NUP85: variants seen among roughly 807,000 people sequenced by gnomAD.
NUP85 encodes nuclear pore complex protein Nup85.
Under a neutral mutation model 92.8 loss-of-function variants are expected in NUP85, and 23 were observed. That is an observed-to-expected ratio of 0.25 (90% CI 0.18 to 0.35). NUP85 has a LOEUF of 0.35. Ranked by LOEUF, NUP85 falls within the 10% of genes least tolerant of loss-of-function variation. The pLI is 1.00. For missense variants in NUP85, 759 were observed against 822.8 expected, an observed-to-expected ratio of 0.92 and a Z score of 0.95; for synonymous variants, 314 against 306.9, an observed-to-expected ratio of 1.02 and a Z score of -0.24.
At chr17:75,224,622 A>G (rs2075708506) in intron 7 of NUP85, among the ~76,000 whole-genome samples, 1 of 152,072 alleles carries the variant, frequency 6.6e-6, no homozygotes, top group South Asian at 2.1e-4. Flanking sequence ...ACTTGAGGTC[A>G]GGAGTTCGAG....
chr17:75,233,113 A>G lies in NUP85; in HGVS notation c.1570A>G (p.Asn524Asp), dbSNP rs760077553. The G allele has an allele frequency of 6.2e-7, 1 of 1,614,022 alleles. No individual in the cohort carries two copies. The highest frequency in any genetic ancestry group is 8.5e-7 in the Non-Finnish European group (1 of 1,180,016). The change falls in exon 16 of 19, where the codon AAC becomes GAC. Residue 524 changes from asparagine to aspartate, a missense_variant. Physicochemically the swap from Asn to Asp is conservative, Grantham distance 23. Coordinates refer to ENST00000245544, the MANE Select transcript of NUP85 (RefSeq NM_024844.5). ...CTTTTCTGATTTGGATCTCATTGACAACCTGGGGCCAGCCATGATGCTCAG... is the reference window on the plus strand; with the variant it reads ...CTTTTCTGATTTGGATCTCATTGACGACCTGGGGCCAGCCATGATGCTCAG... ...GCFSDLDLID[N>D]LGPAMMLSDR...
In NUP85 at chr17:75,225,712, C is replaced by T. The variant is rs774972438; in HGVS notation, c.870C>T (p.Asp290=). The T allele has an allele frequency of 1.2e-5, 20 of 1,614,002 alleles. No homozygotes were observed. The highest frequency in any genetic ancestry group is 2.2e-5 in the East Asian group (1 of 44,896). ...TCTCTCCTCAGATTATGCTGGGAGA[C>T]GAAGCTGCCTTGTTAGAGCAGAAGG... ...LESLLKIMLG[D]EAALLEQKEL... The change falls in exon 10 of 19, where the codon GAC becomes GAT. Residue 290 remains aspartate, a synonymous_variant. Coordinates refer to ENST00000245544, the MANE Select transcript of NUP85 (RefSeq NM_024844.5).
intron 2 of NUP85, 26 bp from the exon 3 acceptor site, chr17:75,209,797 A>C: frequency 1.3e-6 from 2 of 1,564,426 alleles, no homozygotes; most frequent in Non-Finnish European, 1.7e-6. Context: ...ATAGATGTTA[A>C]ATTTTTTTTT....
chr17:75,217,375 T>TTC (rs928013461), intron 6 of NUP85, among the ~76,000 whole-genome samples: 1 of 149,824 alleles, frequency 6.7e-6, no homozygotes, highest in African/African-American at 2.5e-5. Context: ...AATTTTTTAT[T>TTC]TTTTTTTGTA....
In NUP85 at chr17:75,225,324, GGCT is replaced by G; in HGVS notation, c.733-16_733-14del. On this transcript the variant is annotated splice_polypyrimidine_tract_variant and intron_variant, in intron 8 of 18. Coordinates refer to ENST00000245544, the MANE Select transcript of NUP85 (RefSeq NM_024844.5). ...GGGTGTGGATGGGATGACGTCTCATGGCTGGTCTCTCCCTTAGCCCGGGAACAC... is the reference window on the plus strand; with the variant it reads ...GGGTGTGGATGGGATGACGTCTCATGGGTCTCTCCCTTAGCCCGGGAACAC... 6.2e-7 allele frequency: 1 copy of G among 1,614,150 alleles called. No homozygotes were observed.
chr17:75,205,921 C>T, intron 1 of NUP85, 127 bp downstream of exon 1: 1 of 1,112,612 alleles, frequency 9.0e-7, no homozygotes, highest in South Asian at 1.4e-5. Context: ...ACTCAGTTGC[C>T]ACTTTTCCGG....
In NUP85 at chr17:75,235,724, T is replaced by G; in HGVS notation, c.*45T>G. On this transcript the variant is annotated 3_prime_UTR_variant, in exon 19 of 19. Transcript: ENST00000245544. ...TCTTTGTATGGCAATGTATATAGAT[T>G]TTTTTAAAAGAATAAATGTTGTTTT... 2 of 1,218,210 alleles carry G rather than the reference T, an allele frequency of 1.6e-6. No individual in the cohort carries two copies. Among genetic ancestry groups the G allele is most frequent in the Middle Eastern group, 1.9e-4 (1 of 5,224 alleles). 75.5% of individuals were successfully genotyped at this position (1,218,210 alleles called of 1,614,324 possible). A position where few individuals can be genotyped will look rare whatever the true frequency, so the allele number is the denominator to read the frequency against.
At chr17:75,225,652 T>C (rs910329048) in intron 9 of NUP85, 46 bp from the exon 10 acceptor site, 7 of 1,609,188 alleles carry the variant, frequency 4.4e-6, no homozygotes, top group Non-Finnish European at 5.9e-6. Flanking sequence ...ATGGAGAAGG[T>C]ACCCCTGAGA....
intron 1 of NUP85, among the ~76,000 whole-genome samples, chr17:75,207,570 C>T (rs1433114874): frequency 6.6e-6 from 1 of 151,930 alleles, no homozygotes; most frequent in African/African-American, 2.4e-5. Flanking sequence ...ACCTCTGGCT[C>T]CTGGGTTCAA....
At chr17:75,235,378 G>A (rs1019342403) in intron 18 of NUP85, 177 bp downstream of exon 18, 1 of 616,856 alleles carries the variant, frequency 1.6e-6, no homozygotes, top group Non-Finnish European at 2.8e-6. Context: ...GGATTCTAGT[G>A]TTCTCATCTC....
chr17:75,225,316 C>T (rs770236503), intron 8 of NUP85, 26 bp from the exon 9 acceptor site: 8 of 1,613,756 alleles, frequency 5.0e-6, no homozygotes, highest in African/African-American at 2.7e-5. Context: ...GATGGGATGA[C>T]GTCTCATGGC....
At chr17:75,213,815 A>G (rs2075343905) in intron 5 of NUP85, among the ~76,000 whole-genome samples, 1 of 151,504 alleles carries the variant, frequency 6.6e-6, no homozygotes, top group Non-Finnish European at 1.5e-5. Context: ...TGGCCTCCCA[A>G]AGTGCTGGGA....
At chr17:75,222,276 C>A (rs1244426609) in intron 7 of NUP85, among the ~76,000 whole-genome samples, 1 of 151,988 alleles carries the variant, frequency 6.6e-6, no homozygotes, top group Non-Finnish European at 1.5e-5. Flanking sequence ...AACTCCTGGG[C>A]CCAAGCAATC....
At chr17:75,230,469 C>T (rs1429604577) in intron 11 of NUP85, among the ~76,000 whole-genome samples, 1 of 151,168 alleles carries the variant, frequency 6.6e-6, no homozygotes, top group Non-Finnish European at 1.5e-5. Flanking sequence ...ACGCCATTCT[C>T]CTGCCTCAGC....
chr17:75,224,735 G>A lies in NUP85; in HGVS notation c.598-368G>A, dbSNP rs574154289. Among the ~76,000 whole-genome samples the A allele has an allele frequency of 2.6e-5, 4 of 151,210 alleles. No individual in the cohort carries two copies. In the South Asian group the frequency reaches 6.3e-4, roughly 24 times the overall value. ...TAATCTCAGCTACTCGGGAGGTTGA[G>A]ACAGGAGAATCGCTTGAACCCGGGA... On this transcript the variant is annotated intron_variant, in intron 7 of 18. Transcript: ENST00000245544.
chr17:75,231,504 AG>A lies in NUP85; in HGVS notation c.1179-67del. The stretch of plus-strand genomic sequence containing the variant: ...GGTGTGAACTGAATGCCTGAAAGGG[AG>A]GTTGGGCTAAGGGGGCCCTGAACAG... On this transcript the variant is annotated intron_variant, in intron 12 of 18. Transcript: ENST00000245544. This position sits in a 1 kb window ranked among gnomAD's most constrained non-coding sequence, Gnocchi z 4.6. 6.2e-7 allele frequency: 1 copy of A among 1,608,698 alleles called. No homozygotes were observed. Among genetic ancestry groups the A allele is most frequent in the Admixed American group, 1.7e-5 (1 of 60,016 alleles).
chr17:75,205,774 G>C lies in NUP85; in HGVS notation c.13G>C (p.Asp5His). 6.2e-7 allele frequency: 1 copy of C among 1,614,190 alleles called. No homozygotes were observed. Among genetic ancestry groups the C allele is most frequent in the Non-Finnish European group, 8.5e-7 (1 of 1,180,028 alleles). Reference sequence around the variant, plus strand: ...GGGGTTCGGCGCTATGGAGGAGCTCGATGGCGAGCCAACAGTCACTGTAAG... The same window carrying C: ...GGGGTTCGGCGCTATGGAGGAGCTCCATGGCGAGCCAACAGTCACTGTAAG... MEEL[D>H]GEPTVTLIPG... Residue 5 changes from aspartate (D) to histidine (H), a missense_variant, in exon 1 of 19, where the codon GAT (aspartate) becomes CAT (histidine). Transcript: ENST00000245544.
chr17:75,228,531 G>A (rs2075911937), intron 11 of NUP85: 2 of 985,290 alleles, frequency 2.0e-6, no homozygotes, highest in South Asian at 4.7e-5. Context: ...GTTTTAGGAA[G>A]TGTGCCCTCC....
intron 16 of NUP85, among the ~76,000 whole-genome samples, chr17:75,233,991 C>T (rs1028739980): frequency 6.6e-6 from 1 of 151,856 alleles, no homozygotes; most frequent in African/African-American, 2.4e-5. Context: ...GCCTCGGCCT[C>T]CCAAAGTGCT....
Sources: allele counts gnomAD v4.1 joint callset (sites outside exome capture counted in the v4.1 genomes callset), GRCh38; gene constraint gnomAD v4.1.1; non-coding constraint Gnocchi (gnomAD v3.1); transcripts MANE v1.5; gene names NCBI Gene and HGNC (gene_info 2026-07-23, HGNC 2026-07-21).